The following RHBDD1 variants were observed in gnomAD, a reference collection of about 807,000 sequenced individuals.
RHBDD1 encodes rhomboid-related protein 4.
Under a neutral mutation model 36.3 loss-of-function variants are expected in RHBDD1, and 38 were observed. The observed-to-expected ratio is 1.05, with a 90% CI of 0.81 to 1.37. The LOEUF is 1.37. RHBDD1 is among the 40% of genes most tolerant of loss of function. The probability of loss-of-function intolerance (pLI) is 0.00; values close to 1 mark genes in which losing one functional copy is unlikely to be tolerated. For synonymous variants in RHBDD1, 151 were observed against 136.5 expected, an observed-to-expected ratio of 1.11 and a Z score of -0.74; for missense variants, 393 against 377.6, an observed-to-expected ratio of 1.04 and a Z score of -0.34.
intron 5 of RHBDD1, among the ~76,000 whole-genome samples, chr2:226,901,960 A>G (rs959624453): frequency 1.3e-5 from 2 of 152,154 alleles, no homozygotes; most frequent in East Asian, 1.9e-4. Context: ...ACTGAGTGCT[A>G]GTGTCAGGCC....
intron 8 of RHBDD1, among the ~76,000 whole-genome samples, chr2:226,987,464 G>A (rs572666891): frequency 6.6e-6 from 1 of 152,350 alleles, no homozygotes; most frequent in Non-Finnish European, 1.5e-5. Flanking sequence ...GCAGCTAGCT[G>A]GTAGGACAGG....
intron 5 of RHBDD1, among the ~76,000 whole-genome samples, chr2:226,884,982 T>C (rs1196379199): frequency 1.3e-5 from 2 of 152,052 alleles, no homozygotes; most frequent in South Asian, 2.1e-4. Context: ...TGAACAATAC[T>C]AAGTACAAGA....
intron 5 of RHBDD1, chr2:226,906,584 C>A: frequency 9.0e-7 from 1 of 1,107,528 alleles, no homozygotes; most frequent in Non-Finnish European, 1.3e-6. Context: ...GCGTTTTAAA[C>A]ATGTGGTGGT....
intron 5 of RHBDD1, among the ~76,000 whole-genome samples, chr2:226,904,704 G>A (rs1474576422): frequency 6.6e-6 from 1 of 152,190 alleles, no homozygotes; most frequent in Non-Finnish European, 1.5e-5. Flanking sequence ...TTTCCTGAGA[G>A]CCAGCGAGTC....
the RHBDD1 span, among the ~76,000 whole-genome samples, chr2:226,808,119 T>C: frequency 6.6e-6 from 1 of 152,134 alleles, no homozygotes; most frequent in East Asian, 1.9e-4. Context: ...TGCAGAAATA[T>C]GATCAAGAGA....
At chr2:226,920,140 A>T (rs77313165) in intron 8 of RHBDD1, among the ~76,000 whole-genome samples, 2,679 of 152,038 alleles carry the variant, frequency 0.018, 43 homozygotes, top group Admixed American at 0.04. Context: ...GTAAATAAAT[A>T]CTTGTATTTA....
chr2:226,819,723 A>G, the RHBDD1 span, among the ~76,000 whole-genome samples: 25,884 of 152,140 alleles, frequency 0.17, 3,342 homozygotes, highest in African/African-American at 0.36. Context: ...AATATTCCCT[A>G]TGTTTTTTCT....
chr2:226,893,750 T>C (rs1946868108), intron 5 of RHBDD1, among the ~76,000 whole-genome samples: 1 of 152,180 alleles, frequency 6.6e-6, no homozygotes, highest in Non-Finnish European at 1.5e-5. Flanking sequence ...TCCTAATGAT[T>C]AGCAGGGGTG....
intron 8 of RHBDD1, among the ~76,000 whole-genome samples, chr2:226,972,843 G>C (rs745712701): frequency 6.6e-6 from 1 of 150,800 alleles, no homozygotes; most frequent in Non-Finnish European, 1.5e-5. Context: ...TGGGTTATAG[G>C]TAAGTACACA....
intron 3 of RHBDD1, among the ~76,000 whole-genome samples, chr2:226,840,926 G>GA (rs1014779049): frequency 2.6e-4 from 40 of 151,348 alleles, no homozygotes; most frequent in Non-Finnish European, 5.7e-4. Flanking sequence ...GCAATACTGT[G>GA]AAAAAAATTT....
chr2:226,891,121 T>A (rs1018558284), intron 5 of RHBDD1, among the ~76,000 whole-genome samples: 2 of 151,990 alleles, frequency 1.3e-5, no homozygotes, highest in African/African-American at 4.8e-5. Context: ...AGGTCAGGAG[T>A]CTAGGTATGG....
intron 8 of RHBDD1, among the ~76,000 whole-genome samples, chr2:226,965,463 A>G (rs1278121156): frequency 6.6e-6 from 1 of 152,260 alleles, no homozygotes; most frequent in Non-Finnish European, 1.5e-5. Flanking sequence ...GAAGGCCAGT[A>G]GGAGTCCATT....
chr2:226,801,247 A>AG, the RHBDD1 span, among the ~76,000 whole-genome samples: 1 of 152,072 alleles, frequency 6.6e-6, no homozygotes, highest in Non-Finnish European at 1.5e-5. Flanking sequence ...AATGCGGCTG[A>AG]GGGGCGGAGC....
intron 8 of RHBDD1, among the ~76,000 whole-genome samples, chr2:226,978,672 C>T (rs1955028422): frequency 6.6e-6 from 1 of 152,168 alleles, no homozygotes; most frequent in African/African-American, 2.4e-5. Context: ...AGTGAGAATG[C>T]ACGCTGTCAA....
At chr2:226,892,614 A>G (rs1946777723) in intron 5 of RHBDD1, among the ~76,000 whole-genome samples, 1 of 152,232 alleles carries the variant, frequency 6.6e-6, no homozygotes, top group Non-Finnish European at 1.5e-5. Flanking sequence ...GCAGTAGAAT[A>G]GAATAAGTAA....
chr2:226,960,214 T>A (rs1372516364), intron 8 of RHBDD1, among the ~76,000 whole-genome samples: 3 of 152,206 alleles, frequency 2.0e-5, no homozygotes, highest in Non-Finnish European at 4.4e-5. Flanking sequence ...TTCGAGGTCC[T>A]CCCTATCCTC....
At chr2:226,964,748 A>T (rs1952495008) in intron 8 of RHBDD1, among the ~76,000 whole-genome samples, 1 of 152,216 alleles carries the variant, frequency 6.6e-6, no homozygotes, top group Non-Finnish European at 1.5e-5. Flanking sequence ...CTTGATGGTA[A>T]CTCAAGATAC....
chr2:226,810,959 A>T, the RHBDD1 span: 1 of 152,184 alleles, frequency 6.6e-6, no homozygotes, highest in African/African-American at 2.4e-5. Context: ...CCACATGGTG[A>T]CTTGCCCCAC....
chr2:226,927,422 A>G (rs1385232637), intron 8 of RHBDD1, among the ~76,000 whole-genome samples: 1 of 152,058 alleles, frequency 6.6e-6, no homozygotes, highest in East Asian at 1.9e-4. Context: ...ATTTATGAAT[A>G]AAGCTGCTAT....
Sources: gnomAD v4.1 joint callset for allele counts (sites outside exome capture counted in the v4.1 genomes callset) on GRCh38, gnomAD v4.1.1 for gene constraint, MANE v1.5 for transcripts, NCBI Gene and HGNC (gene_info 2026-07-23, HGNC 2026-07-21) for gene names.